The following UBE2E2 variants were observed in gnomAD, a reference collection of about 807,000 sequenced individuals.
UBE2E2 encodes ubiquitin-conjugating enzyme E2 E2.
In UBE2E2, 6 loss-of-function variants were observed where a neutral mutation model predicts 24.7. The ratio of observed to expected loss-of-function variants is 0.24; its 90% CI spans 0.13 to 0.48. UBE2E2 has a LOEUF of 0.48. Ranked by LOEUF, UBE2E2 falls within the 20% of genes least tolerant of loss-of-function variation. The pLI, the probability that UBE2E2 is intolerant of heterozygous loss-of-function variation, is 0.99. For synonymous variants in UBE2E2, 104 were observed against 83.6 expected (o/e 1.24, Z -1.33); for missense variants, 169 against 245.0 (o/e 0.69, Z 2.07).
chr3:23,375,010 T>A (rs55934161), intron 3 of UBE2E2, among the ~76,000 whole-genome samples: 1 of 151,834 alleles, frequency 6.6e-6, no homozygotes, highest in South Asian at 2.1e-4. Context: ...TGGAGAGTTA[T>A]GTTATTCTAT....
At chr3:23,487,476 G>A (rs1315049724) in intron 3 of UBE2E2, among the ~76,000 whole-genome samples, 1 of 152,162 alleles carries the variant, frequency 6.6e-6, no homozygotes, top group Non-Finnish European at 1.5e-5. Context: ...AGCCCCAGAT[G>A]TGCCTCCCCC....
At chr3:23,470,298 C>A (rs1175272508) in intron 3 of UBE2E2, among the ~76,000 whole-genome samples, 1 of 152,156 alleles carries the variant, frequency 6.6e-6, no homozygotes, top group Non-Finnish European at 1.5e-5. Context: ...GTGAAAAGTT[C>A]TCTGCTCACA....
chr3:23,315,139 T>TGCAGC (rs1694534601), intron 3 of UBE2E2, among the ~76,000 whole-genome samples: 1 of 152,154 alleles, frequency 6.6e-6, no homozygotes, highest in African/African-American at 2.4e-5. Flanking sequence ...AAAATTTTGG[T>TGCAGC]GCAGCTGAGC....
chr3:23,323,127 T>C (rs779401147), intron 3 of UBE2E2, among the ~76,000 whole-genome samples: 3 of 152,174 alleles, frequency 2.0e-5, no homozygotes, highest in Admixed American at 1.3e-4. Flanking sequence ...TGTTTTGTGC[T>C]GTACTGTTGA....
At chr3:23,475,038 A>G (rs1033972532) in intron 3 of UBE2E2, among the ~76,000 whole-genome samples, 1 of 152,110 alleles carries the variant, frequency 6.6e-6, no homozygotes, top group Non-Finnish European at 1.5e-5. Flanking sequence ...ACCACTCTGC[A>G]ATACACAACA....
chr3:23,271,412 G>A (rs889066986), intron 3 of UBE2E2, among the ~76,000 whole-genome samples: 5 of 152,168 alleles, frequency 3.3e-5, no homozygotes, highest in African/African-American at 1.2e-4. Flanking sequence ...GCAGCAGCAA[G>A]ATTTATTGCA....
chr3:23,448,756 G>GT (rs1356133730), intron 3 of UBE2E2, among the ~76,000 whole-genome samples: 1 of 152,130 alleles, frequency 6.6e-6, no homozygotes, highest in Non-Finnish European at 1.5e-5. Context: ...GCAGTTTGTA[G>GT]TAAGCTGACC....
At chr3:23,402,859 A>T (rs1697265348) in intron 3 of UBE2E2, among the ~76,000 whole-genome samples, 2 of 152,182 alleles carry the variant, frequency 1.3e-5, no homozygotes, top group African/African-American at 4.8e-5. Context: ...CTTTGATCTG[A>T]TGCCTGTTTG....
chr3:23,435,613 C>T (rs1404553732), intron 3 of UBE2E2, among the ~76,000 whole-genome samples: 1 of 152,194 alleles, frequency 6.6e-6, no homozygotes, highest in East Asian at 1.9e-4. Context: ...CAACTAGGAG[C>T]TATGGGAGGC....
chr3:23,540,388 T>TTTTG (rs112747673), intron 5 of UBE2E2, among the ~76,000 whole-genome samples: 16,591 of 148,214 alleles, frequency 0.11, 1,052 homozygotes, highest in African/African-American at 0.15. Flanking sequence ...TTTGATGCCC[T>TTTTG]TTTGTTTGTT....
chr3:23,221,792 A>G (rs1696655609), intron 3 of UBE2E2, among the ~76,000 whole-genome samples: 1 of 152,090 alleles, frequency 6.6e-6, no homozygotes, highest in African/African-American at 2.4e-5. Flanking sequence ...GTGCGCCACC[A>G]TGCCTGGCTA....
chr3:23,289,824 A>T (rs1698713206), intron 3 of UBE2E2, among the ~76,000 whole-genome samples: 1 of 152,228 alleles, frequency 6.6e-6, no homozygotes, highest in Non-Finnish European at 1.5e-5. Flanking sequence ...TTCATAATCG[A>T]GTTGTGGTAA....
intron 5 of UBE2E2, among the ~76,000 whole-genome samples, chr3:23,554,041 A>C (rs916380044): frequency 6.6e-6 from 1 of 152,156 alleles, no homozygotes; most frequent in Non-Finnish European, 1.5e-5. Flanking sequence ...AATTTAAAAA[A>C]AAAATCCTAA....
chr3:23,414,227 G>T (rs1697567304), intron 3 of UBE2E2, among the ~76,000 whole-genome samples: 1 of 152,098 alleles, frequency 6.6e-6, no homozygotes, highest in Non-Finnish European at 1.5e-5. Context: ...GAACCATATT[G>T]GTCCATTTTT....
intron 1 of UBE2E2, among the ~76,000 whole-genome samples, chr3:23,206,572 G>A (rs773677347): frequency 1.8e-4 from 27 of 152,106 alleles, no homozygotes; most frequent in Admixed American, 3.9e-4. Context: ...ATGGGGAGCT[G>A]TTGGGGTTGA....
intron 3 of UBE2E2, among the ~76,000 whole-genome samples, chr3:23,433,783 A>G (rs1395531808): frequency 6.6e-6 from 1 of 151,992 alleles, no homozygotes; most frequent in Non-Finnish European, 1.5e-5. Flanking sequence ...ATCTCTTTTT[A>G]TAAATTTACA....
Position 23,277,039 on chromosome 3 carries a change from A to G in UBE2E2, c.227+59727A>G, listed in dbSNP as rs932129961. ...AGGCTTTCGTGTACATGCTTCTGAT[A>G]GTAGACGGTGTGACCATATCATGTA... On this transcript the variant is annotated intron_variant, in intron 3 of 5. Coordinates refer to ENST00000396703, the MANE Select transcript of UBE2E2 (RefSeq NM_152653.4). Among the ~76,000 whole-genome samples the G allele has an allele frequency of 2.0e-5, 3 of 152,194 alleles. No individual in the cohort carries two copies. In the East Asian group the frequency reaches 5.8e-4, roughly 29 times the overall value.
chr3:23,225,666 T>C (rs1424056183), intron 3 of UBE2E2, among the ~76,000 whole-genome samples: 1 of 152,206 alleles, frequency 6.6e-6, no homozygotes, highest in Non-Finnish European at 1.5e-5. Context: ...TGTCTGTTCT[T>C]ATGTCAGTAA....
At chr3:23,566,852 G>T (rs998050227) in intron 5 of UBE2E2, among the ~76,000 whole-genome samples, 9 of 152,148 alleles carry the variant, frequency 5.9e-5, no homozygotes, top group Non-Finnish European at 1.3e-4. Flanking sequence ...AGTATTTGGT[G>T]GCCCAGTTAA....
Sources: gnomAD v4.1 joint callset for allele counts (sites outside exome capture counted in the v4.1 genomes callset) on GRCh38, gnomAD v4.1.1 for gene constraint, MANE v1.5 for transcripts, NCBI Gene and HGNC (gene_info 2026-07-23, HGNC 2026-07-21) for gene names.